The following FARP1 variants were observed in gnomAD, a reference collection of about 807,000 sequenced individuals.
FARP1 encodes FERM, ARHGEF and pleckstrin domain-containing protein 1.
In FARP1, 52 loss-of-function variants were observed where a neutral mutation model predicts 128.8. That is an observed-to-expected ratio of 0.40 (90% CI 0.32 to 0.51). The LOEUF (loss-of-function observed/expected upper bound fraction) is 0.51, where lower values mean the gene tolerates loss of function less well. Among genes scored for constraint, FARP1 ranks in the 20% least tolerant of loss-of-function variants. The probability of loss-of-function intolerance (pLI) is 0.45; values close to 1 mark genes in which losing one functional copy is unlikely to be tolerated. For missense variants in FARP1, 1,333 were observed against 1,367.9 expected (o/e 0.97, Z 0.40); for synonymous variants, 580 against 551.8 (o/e 1.05, Z -0.72).
intron 1 of FARP1, among the ~76,000 whole-genome samples, chr13:98,205,773 T>C (rs562527044): frequency 3.1e-4 from 47 of 152,330 alleles, no homozygotes; most frequent in Admixed American, 6.5e-4. Context: ...AGTGCATATT[T>C]CCTTTTAGCT....
chr13:98,408,037 C>T (rs1264364697), intron 13 of FARP1, among the ~76,000 whole-genome samples: 1 of 152,216 alleles, frequency 6.6e-6, no homozygotes, highest in Non-Finnish European at 1.5e-5. Context: ...GAGCCTGAAA[C>T]TGTAGACTGG....
chr13:98,375,150 T>C (rs1171093730), intron 5 of FARP1, among the ~76,000 whole-genome samples: 2 of 152,230 alleles, frequency 1.3e-5, no homozygotes, highest in Non-Finnish European at 2.9e-5. Flanking sequence ...TGTTGTGTGC[T>C]TCATATTTCA....
rs1048966718 is a variant in FARP1 at position 98,450,129 on chromosome 13, C to G, written c.*1812C>G. On this transcript the variant is annotated 3_prime_UTR_variant, in exon 27 of 27. Transcript: ENST00000319562. ...CTTCCTGTGTGCCCTCAAGAAAATACTAGTGTGGGTAACAGTCCATCTGAG... is the reference window on the plus strand; with the variant it reads ...CTTCCTGTGTGCCCTCAAGAAAATAGTAGTGTGGGTAACAGTCCATCTGAG... 4 of 152,220 alleles carry G rather than the reference C, an allele frequency of 2.6e-5. No individual in the cohort carries two copies. Among genetic ancestry groups the G allele is most frequent in the Non-Finnish European group, 4.4e-5 (3 of 68,058 alleles). 9.4% of individuals were successfully genotyped at this position (152,220 alleles called of 1,614,324 possible). A position where few individuals can be genotyped will look rare whatever the true frequency, so the allele number is the denominator to read the frequency against.
At chr13:98,232,140 G>GTTT (rs778130942) in intron 2 of FARP1, among the ~76,000 whole-genome samples, 19,762 of 91,098 alleles carry the variant, frequency 0.22, 2,537 homozygotes, top group African/African-American at 0.35. Context: ...TTTTTTGTTT[G>GTTT]GTTGGTTTTT....
At chr13:98,214,359 G>C (rs1056731140) in intron 2 of FARP1, among the ~76,000 whole-genome samples, 1 of 151,998 alleles carries the variant, frequency 6.6e-6, no homozygotes, top group Non-Finnish European at 1.5e-5. Context: ...CTAGTATTTT[G>C]GGTTTTCTGT....
At chr13:98,368,294 TAC>T in intron 5 of FARP1, 99 bp downstream of exon 5, 7 of 886,874 alleles carry the variant, frequency 7.9e-6, no homozygotes, top group Non-Finnish European at 1.3e-5. Flanking sequence ...TCATAATGTT[TAC>T]TTGACCAGCA....
intron 2 of FARP1, among the ~76,000 whole-genome samples, chr13:98,275,224 A>C (rs1483647639): frequency 6.6e-6 from 1 of 152,074 alleles, no homozygotes; most frequent in Non-Finnish European, 1.5e-5. Context: ...CGAACAGATG[A>C]ATTCAGATTC....
intron 2 of FARP1, among the ~76,000 whole-genome samples, chr13:98,218,141 C>T (rs147572540): frequency 3.6e-4 from 54 of 151,346 alleles, no homozygotes; most frequent in Non-Finnish European, 6.2e-4. Context: ...CCCACATCCT[C>T]GCCCCACATC....
intron 2 of FARP1, among the ~76,000 whole-genome samples, chr13:98,304,743 T>A (rs2139712661): frequency 6.6e-6 from 1 of 152,364 alleles, no homozygotes; most frequent in South Asian, 2.1e-4. Flanking sequence ...CATTTATTTC[T>A]CACAGCTCAT....
In FARP1 at chr13:98,442,192, G is replaced by GT. The variant is rs1248869483; in HGVS notation, c.2796+1358dup. On this transcript the variant is annotated intron_variant, in intron 24 of 26. Coordinates refer to ENST00000319562, the MANE Select transcript of FARP1 (RefSeq NM_005766.4). ...TCCCTTCCAAACGCAGAAAGGGCCA[G>GT]TTCCCACACAGGCCTGGTCCAAAGA... is the stretch of plus-strand genomic sequence containing the variant. Among the ~76,000 whole-genome samples, 6 of 152,366 alleles carry GT rather than the reference G, an allele frequency of 3.9e-5. No homozygotes were observed. The South Asian group carries it at 1.0e-3, about 26-fold the overall frequency.
rs140728859 is a variant in FARP1 at position 98,348,726 on chromosome 13, C to T, written c.276+4860C>T. The stretch of plus-strand genomic sequence containing the variant: ...GCTTTTATATAGTTTTCACATATCA[C>T]GAAATGTGATTCTTTTGATTTTTTT... On this transcript the variant is annotated intron_variant, in intron 3 of 26. Transcript: ENST00000319562. 1.3e-3 allele frequency among the ~76,000 whole-genome samples: 199 copies of T among 152,284 alleles called. 1 individual carries two copies. The highest frequency in any genetic ancestry group is 4.6e-3 in the African/African-American group (190 of 41,564).
intron 16 of FARP1, among the ~76,000 whole-genome samples, chr13:98,416,550 C>T (rs2140132134): frequency 6.6e-6 from 1 of 152,332 alleles, no homozygotes; most frequent in East Asian, 1.9e-4. Flanking sequence ...AGCCACATTA[C>T]CTGCTTTCTT....
intron 24 of FARP1, chr13:98,445,552 C>T (rs2034315773): frequency 6.6e-6 from 1 of 152,490 alleles, no homozygotes; most frequent in Non-Finnish European, 1.5e-5. Flanking sequence ...ACCCCAGGCC[C>T]CACTTCCTGG....
chr13:98,409,411 G>T lies in FARP1; in HGVS notation c.1488G>T (p.Val496=). The change falls in exon 14 of 27, where the codon GTG becomes GTT. Residue 496 remains valine (V), a synonymous_variant. Transcript: ENST00000319562. ...AGGGGGGAGTGGCCCCTGCCAACGT[G>T]ACCTTGTCTCCCAACCTGAGCCCCG... ...NSQGGVAPAN[V]TLSPNLSPDT... 2 of 1,613,824 alleles carry T rather than the reference G, an allele frequency of 1.2e-6. No homozygotes were observed. The highest frequency in any genetic ancestry group is 1.7e-6 in the Non-Finnish European group (2 of 1,179,982).
chr13:98,372,756 CGTT>C (rs943985755), intron 5 of FARP1, among the ~76,000 whole-genome samples: 1 of 152,212 alleles, frequency 6.6e-6, no homozygotes, highest in African/African-American at 2.4e-5. Flanking sequence ...CTGCCATAAT[CGTT>C]GTCCTCTCCT....
chr13:98,185,202 T>C (rs980769324), intron 1 of FARP1, among the ~76,000 whole-genome samples: 2 of 151,436 alleles, frequency 1.3e-5, no homozygotes, highest in African/African-American at 4.8e-5. Context: ...ATTGATATAA[T>C]TTATTTTAAT....
intron 2 of FARP1, among the ~76,000 whole-genome samples, chr13:98,271,008 G>A (rs567559068): frequency 6.6e-6 from 1 of 152,310 alleles, no homozygotes; most frequent in South Asian, 2.1e-4. Flanking sequence ...GAGGCGAATT[G>A]CAGTTGTGTG....
At chr13:98,344,106 T>C (rs750086095) in intron 3 of FARP1, among the ~76,000 whole-genome samples, 1 of 152,304 alleles carries the variant, frequency 6.6e-6, no homozygotes, top group East Asian at 1.9e-4. Flanking sequence ...CACAGTTCTA[T>C]ACCCAAACTA....
At chr13:98,404,932 T>C (rs1289245138) in intron 13 of FARP1, 1 of 152,188 alleles carries the variant, frequency 6.6e-6, no homozygotes, top group Non-Finnish European at 1.5e-5. Flanking sequence ...TCCCCCTTTA[T>C]AGGAAAAAAT....
Sources: gnomAD v4.1 joint callset for allele counts (sites outside exome capture counted in the v4.1 genomes callset) on GRCh38, gnomAD v4.1.1 for gene constraint, MANE v1.5 for transcripts, NCBI Gene and HGNC (gene_info 2026-07-23, HGNC 2026-07-21) for gene names.